Variants in SLC9C1 observed in about 807,000 individuals in gnomAD.
SLC9C1 encodes solute carrier family 9 member C1.
A neutral mutation model predicts 140.9 loss-of-function variants in SLC9C1; 97 were observed. The observed-to-expected ratio is 0.69, with a 90% CI of 0.58 to 0.82. SLC9C1 has a LOEUF of 0.82. Among genes scored for constraint, SLC9C1 ranks in the 40% least tolerant of loss-of-function variants. SLC9C1 has a pLI of 0.00. For synonymous variants in SLC9C1, 440 were observed against 442.6 expected, an observed-to-expected ratio of 0.99 and a Z score of 0.07; for missense variants, 1,340 against 1,389.3, an observed-to-expected ratio of 0.96 and a Z score of 0.56.
At chr3:112,252,946 GGA>G in intron 10 of SLC9C1, among the ~76,000 whole-genome samples, 1 of 152,236 alleles carries the variant, frequency 6.6e-6, no homozygotes, top group South Asian at 2.1e-4. Flanking sequence ...AAAGGGAGGG[GGA>G]GGAGCAGGCC....
At chr3:112,187,174 T>C (rs1283815476) in intron 20 of SLC9C1, among the ~76,000 whole-genome samples, 1 of 152,232 alleles carries the variant, frequency 6.6e-6, no homozygotes, top group Non-Finnish European at 1.5e-5. Flanking sequence ...GCAAGTTATT[T>C]AATCTCTCTG....
At chr3:112,161,822 T>C (rs2107888981) in intron 26 of SLC9C1, among the ~76,000 whole-genome samples, 1 of 151,032 alleles carries the variant, frequency 6.6e-6, no homozygotes, top group East Asian at 1.9e-4. Context: ...CATTGGTAGC[T>C]CGATGGGGAT....
At chr3:112,209,331 T>C (rs1457010717) in intron 15 of SLC9C1, among the ~76,000 whole-genome samples, 1 of 152,204 alleles carries the variant, frequency 6.6e-6, no homozygotes, top group Non-Finnish European at 1.5e-5. Flanking sequence ...TTAAGCCTTG[T>C]TAACTTTGTG....
At chr3:112,161,754 G>A (rs1576234573) in intron 26 of SLC9C1, among the ~76,000 whole-genome samples, 1 of 151,744 alleles carries the variant, frequency 6.6e-6, no homozygotes, top group South Asian at 2.1e-4. Flanking sequence ...GGCGATGCGG[G>A]CTCTTTTTTG....
intron 10 of SLC9C1, among the ~76,000 whole-genome samples, chr3:112,260,130 T>C (rs1354277381): frequency 6.6e-6 from 1 of 152,164 alleles, no homozygotes; most frequent in Non-Finnish European, 1.5e-5. Context: ...AATTTATCTA[T>C]TTCTCCCTTT....
At chr3:112,235,535 G>A in intron 12 of SLC9C1, among the ~76,000 whole-genome samples, 1 of 150,252 alleles carries the variant, frequency 6.7e-6, no homozygotes, top group East Asian at 2.0e-4. Context: ...GTGAGAGAGG[G>A]CATCTCTGTC....
intron 10 of SLC9C1, among the ~76,000 whole-genome samples, chr3:112,246,028 CAAG>C (rs2079273713): frequency 6.6e-6 from 1 of 152,078 alleles, no homozygotes; most frequent in South Asian, 2.1e-4. Flanking sequence ...GCAAGTTTGA[CAAG>C]AAGCAACCTT....
intron 8 of SLC9C1, among the ~76,000 whole-genome samples, chr3:112,264,785 T>C (rs562141818): frequency 3.3e-5 from 5 of 152,028 alleles, no homozygotes; most frequent in Non-Finnish European, 7.4e-5. Context: ...TAGAAGTTGG[T>C]ACATACCATA....
intron 26 of SLC9C1, among the ~76,000 whole-genome samples, chr3:112,160,655 A>C (rs2075270737): frequency 6.6e-6 from 1 of 151,002 alleles, no homozygotes; most frequent in African/African-American, 2.4e-5. Context: ...ACATTTTCTT[A>C]ATCCAGTCTA....
intron 13 of SLC9C1, among the ~76,000 whole-genome samples, chr3:112,225,478 CTTA>C (rs1421486781): frequency 6.6e-6 from 1 of 151,766 alleles, no homozygotes; most frequent in Non-Finnish European, 1.5e-5. Flanking sequence ...GGAATCAAAC[CTTA>C]TTATTACAGA....
intron 20 of SLC9C1, chr3:112,185,428 G>T (rs528361353): frequency 4.5e-5 from 63 of 1,389,016 alleles, no homozygotes; most frequent in Non-Finnish European, 5.7e-5. Flanking sequence ...GGGTGGGGGG[G>T]TCTCAGCCCA....
chr3:112,185,971 T>C (rs2077531495), intron 20 of SLC9C1: 2 of 1,558,970 alleles, frequency 1.3e-6, no homozygotes, highest in South Asian at 1.2e-5. Flanking sequence ...ACCAGCTCTC[T>C]GCTGCCGGCT....
At chr3:112,150,842 T>TATATATATATA (rs1560003735) in intron 28 of SLC9C1, among the ~76,000 whole-genome samples, 1 of 39,104 alleles carries the variant, frequency 2.6e-5, no homozygotes, top group African/African-American at 1.9e-4. Context: ...ATATATATAT[T>TATATATATATA]TTTTTTTTTT....
intron 10 of SLC9C1, among the ~76,000 whole-genome samples, chr3:112,253,101 CTA>C (rs1273405247): frequency 1.3e-5 from 2 of 152,170 alleles, no homozygotes; most frequent in East Asian, 3.9e-4. Context: ...GCCCTTAAAC[CTA>C]TGTCTCCTCA....
chr3:112,199,204 T>C (rs79256733), intron 20 of SLC9C1, 117 bp downstream of exon 20: 79,240 of 828,086 alleles, frequency 0.096, 4,481 homozygotes, highest in East Asian at 0.24. Context: ...AAAATTATTT[T>C]AAGTGAGATT....
intron 26 of SLC9C1, among the ~76,000 whole-genome samples, chr3:112,160,370 C>G (rs1560012994): frequency 6.6e-6 from 1 of 151,280 alleles, no homozygotes; most frequent in African/African-American, 2.4e-5. Flanking sequence ...GCTGCACCCA[C>G]TAACTTGTCA....
chr3:112,141,200 G>C lies in SLC9C1; in HGVS notation c.*72C>G. On this transcript the variant is annotated 3_prime_UTR_variant, in exon 29 of 29. Coordinates refer to ENST00000305815, the MANE Select transcript of SLC9C1 (RefSeq NM_183061.3). Reference sequence around the variant, plus strand: ...TGAAGTTACTCCTTCTTGATGTAGGGAAGTGTGTTTCTGCAGCAGGAGGCC... The same window carrying C: ...TGAAGTTACTCCTTCTTGATGTAGGCAAGTGTGTTTCTGCAGCAGGAGGCC... The C allele has an allele frequency of 7.0e-7, 1 of 1,434,564 alleles. No individual in the cohort carries two copies. Among genetic ancestry groups the C allele is most frequent in the Non-Finnish European group, 9.3e-7 (1 of 1,074,550 alleles). The allele number at this position is 1,434,564 out of a possible 1,614,324, so 88.9% of individuals were successfully genotyped here. A position where few individuals can be genotyped will look rare whatever the true frequency, so the allele number is the denominator to read the frequency against.
intron 10 of SLC9C1, among the ~76,000 whole-genome samples, chr3:112,249,313 G>A (rs2079382401): frequency 6.6e-6 from 1 of 150,798 alleles, no homozygotes; most frequent in Admixed American, 6.7e-5. Context: ...TAGATCATGG[G>A]TAGATTAGCT....
At position 112,199,331 on chromosome 3, in the gene SLC9C1, C is replaced by T. The variant is rs996037681; in HGVS notation, c.2513G>A (p.Gly838Glu). The T allele has an allele frequency of 2.7e-5, 42 of 1,569,556 alleles. 1 individual carries two copies. The highest frequency in any genetic ancestry group is 3.5e-5 in the Non-Finnish European group (41 of 1,162,096). The change falls in exon 20 of 29, where the codon GGA (glycine) becomes GAA (glutamate). Residue 838 changes from glycine to glutamate, a missense_variant. By Grantham distance (98) the Gly-to-Glu change is moderately conservative. Transcript: ENST00000305815. Reference sequence around the variant, plus strand: ...AATATTTTGCCTTACCTTATTAATTCCAGCACCTTCAGTTTTACTAATAAT... The same window carrying T: ...AATATTTTGCCTTACCTTATTAATTTCAGCACCTTCAGTTTTACTAATAAT... ...KGIISKTEGAGINKLIMAKKK... is the reference protein window; with the variant it reads ...KGIISKTEGAEINKLIMAKKK...
Sources: allele counts gnomAD v4.1 joint callset (sites outside exome capture counted in the v4.1 genomes callset), GRCh38; gene constraint gnomAD v4.1.1; transcripts MANE v1.5; gene names NCBI Gene and HGNC (gene_info 2026-07-23, HGNC 2026-07-21).